STK32C: variants seen among roughly 807,000 people sequenced by gnomAD.
The protein encoded by STK32C is serine/threonine-protein kinase 32C.
In STK32C, 31 loss-of-function variants were observed where a neutral mutation model predicts 56.5. The ratio of observed to expected loss-of-function variants is 0.55; its 90% CI spans 0.41 to 0.74. The LOEUF is 0.74. Ranked by LOEUF, STK32C falls within the 30% of genes least tolerant of loss-of-function variation. STK32C has a pLI of 0.00. For synonymous variants in STK32C, 309 were observed against 289.4 expected, an observed-to-expected ratio of 1.07 and a Z score of -0.69; for missense variants, 544 against 676.9, an observed-to-expected ratio of 0.80 and a Z score of 2.18.
intron 1 of STK32C, among the ~76,000 whole-genome samples, chr10:132,314,364 C>G (rs866461653): frequency 2.0e-5 from 3 of 152,142 alleles, no homozygotes; most frequent in Non-Finnish European, 2.9e-5. Flanking sequence ...GGGTGGCTAT[C>G]GTGATCCACA....
At chr10:132,283,896 C>G (rs1410634059) in intron 1 of STK32C, among the ~76,000 whole-genome samples, 3 of 152,204 alleles carry the variant, frequency 2.0e-5, no homozygotes, top group Non-Finnish European at 4.4e-5. Flanking sequence ...AGCCCCGCCC[C>G]ATCCAAAGTC....
chr10:132,281,333 TG>T (rs1291415696), intron 1 of STK32C, among the ~76,000 whole-genome samples: 1 of 151,528 alleles, frequency 6.6e-6, no homozygotes, highest in Admixed American at 6.6e-5. Context: ...TGTGAGATTA[TG>T]GGTTCTTTTC....
At chr10:132,318,246 C>T (rs1043825374) in intron 1 of STK32C, among the ~76,000 whole-genome samples, 4 of 150,136 alleles carry the variant, frequency 2.7e-5, no homozygotes, top group Admixed American at 1.3e-4. Flanking sequence ...CCAGCCTGGG[C>T]GACAGAAGGA....
chr10:132,213,405 G>A (rs184230598), intron 10 of STK32C, among the ~76,000 whole-genome samples: 4 of 152,330 alleles, frequency 2.6e-5, no homozygotes, highest in East Asian at 3.9e-4. Flanking sequence ...GCCACAAGAC[G>A]CAGACTCTCT....
intron 1 of STK32C, among the ~76,000 whole-genome samples, chr10:132,262,766 A>C (rs12266000): frequency 0.12 from 18,389 of 150,806 alleles, 1,839 homozygotes; most frequent in African/African-American, 0.26. Flanking sequence ...AAAAAAAAAA[A>C]AAAAAAACAG....
At chr10:132,286,689 T>C (rs1025370567) in intron 1 of STK32C, among the ~76,000 whole-genome samples, 18 of 152,136 alleles carry the variant, frequency 1.2e-4, no homozygotes, top group African/African-American at 4.3e-4. Context: ...TTTGACAAAA[T>C]TCAACAACTG....
chr10:132,230,179 C>A (rs570584366), intron 2 of STK32C, among the ~76,000 whole-genome samples: 1 of 152,366 alleles, frequency 6.6e-6, no homozygotes, highest in Non-Finnish European at 1.5e-5. Flanking sequence ...TCCTGAACTT[C>A]CTGCATTTCC....
At chr10:132,211,306 C>T (rs1255468374) in intron 10 of STK32C, among the ~76,000 whole-genome samples, 1 of 152,132 alleles carries the variant, frequency 6.6e-6, no homozygotes, top group Non-Finnish European at 1.5e-5. Context: ...TCCTGCGATT[C>T]ACAGCGACAC....
downstream of STK32C, among the ~76,000 whole-genome samples, chr10:132,323,871 T>G (rs949638591): frequency 2.0e-5 from 3 of 151,970 alleles, no homozygotes; most frequent in Admixed American, 2.0e-4. The surrounding 1 kb of genome is among the most constrained non-coding windows in gnomAD (Gnocchi z 4.8). Context: ...TCCTGCATCA[T>G]GACACAGAAG....
rs1459803024 is a variant in STK32C at position 132,245,889 on chromosome 10, C to T, written c.318+11G>A. 5 of 1,612,160 alleles carry T rather than the reference C, an allele frequency of 3.1e-6. No individual in the cohort carries two copies. Among genetic ancestry groups the T allele is most frequent in the Non-Finnish European group, 3.4e-6 (4 of 1,179,910 alleles). On this transcript the variant is annotated intron_variant, in intron 2 of 11. Coordinates refer to ENST00000298630, the MANE Select transcript of STK32C (RefSeq NM_173575.4). ...CCCTCAGCCCAGTCCCCACCCCAGGCCCTGCCTTACCTTGCCAAAGCTGCC... is the reference window on the plus strand; with the variant it reads ...CCCTCAGCCCAGTCCCCACCCCAGGTCCTGCCTTACCTTGCCAAAGCTGCC...
chr10:132,277,895 C>T (rs2065037383), intron 1 of STK32C, among the ~76,000 whole-genome samples: 1 of 152,224 alleles, frequency 6.6e-6, no homozygotes. Flanking sequence ...GGCCAGCCTG[C>T]ACTCTGGCTC....
upstream of STK32C, chr10:132,332,065 A>C: frequency 9.6e-5 from 19 of 198,516 alleles, no homozygotes; most frequent in Non-Finnish European, 1.3e-4. Context: ...CACAACACGC[A>C]CACCCCCGCG....
downstream of STK32C, among the ~76,000 whole-genome samples, chr10:132,320,869 C>T (rs1003216289): frequency 1.3e-5 from 2 of 152,222 alleles, no homozygotes; most frequent in African/African-American, 4.8e-5. Context: ...TTCCTACAGT[C>T]CTGGCGCATC....
chr10:132,279,022 T>G (rs1414568949), intron 1 of STK32C, among the ~76,000 whole-genome samples: 1 of 152,108 alleles, frequency 6.6e-6, no homozygotes, highest in Non-Finnish European at 1.5e-5. Flanking sequence ...ATACAGCCAG[T>G]GCCAGTTGCC....
rs1229834488 is a variant in STK32C at position 132,209,015 on chromosome 10, C to G, written c.1319+19G>C. Reference sequence around the variant, plus strand: ...TCCTCCTCTCTGCCACCACGCCCACCCACCCCCAACACACTCACTTTTCTC... The same window carrying G: ...TCCTCCTCTCTGCCACCACGCCCACGCACCCCCAACACACTCACTTTTCTC... On this transcript the variant is annotated intron_variant, in intron 11 of 11. Transcript: ENST00000298630. 1 of 1,611,340 alleles carries G rather than the reference C, an allele frequency of 6.2e-7. No individual in the cohort carries two copies. The highest frequency in any genetic ancestry group is 1.7e-5 in the Admixed American group (1 of 59,982).
chr10:132,223,952 G>A (rs1282584749), intron 8 of STK32C, among the ~76,000 whole-genome samples: 1 of 152,186 alleles, frequency 6.6e-6, no homozygotes, highest in Non-Finnish European at 1.5e-5. Flanking sequence ...GATGTCCCCT[G>A]AGAGGTGTTT....
intron 8 of STK32C, among the ~76,000 whole-genome samples, 153 bp downstream of exon 8, chr10:132,224,254 T>C (rs143573809): frequency 3.4e-4 from 52 of 152,194 alleles, no homozygotes; most frequent in African/African-American, 1.2e-3. Flanking sequence ...GGGGCTGCCA[T>C]CTGCGGAGGC....
intron 6 of STK32C, 58 bp from the exon 7 acceptor site, chr10:132,225,394 G>A: frequency 6.3e-7 from 1 of 1,582,558 alleles, no homozygotes; most frequent in South Asian, 1.1e-5. Flanking sequence ...GGACCCGTGG[G>A]CACAGGGCCG....
At chr10:132,301,374 C>T (rs1039210682) in intron 1 of STK32C, among the ~76,000 whole-genome samples, 3 of 152,314 alleles carry the variant, frequency 2.0e-5, no homozygotes, top group Non-Finnish European at 1.5e-5. Context: ...ATGTAAGAGC[C>T]GAGGGGCTCA....
Sources: allele counts gnomAD v4.1 joint callset (sites outside exome capture counted in the v4.1 genomes callset), GRCh38; gene constraint gnomAD v4.1.1; non-coding constraint Gnocchi (gnomAD v3.1); transcripts MANE v1.5; gene names NCBI Gene and HGNC (gene_info 2026-07-23, HGNC 2026-07-21).